The following TOR1AIP2 variants were observed in gnomAD, a reference collection of about 807,000 sequenced individuals.
The protein encoded by TOR1AIP2 is torsin-1A-interacting protein 2.
Under a neutral mutation model 32.6 loss-of-function variants are expected in TOR1AIP2, and 20 were observed. The ratio of observed to expected loss-of-function variants is 0.61; its 90% CI spans 0.43 to 0.89. The LOEUF is 0.89. Ranked by LOEUF, TOR1AIP2 falls within the 40% of genes least tolerant of loss-of-function variation. The pLI is 0.00. For missense variants in TOR1AIP2, 456 were observed against 553.8 expected, an observed-to-expected ratio of 0.82 and a Z score of 1.77; for synonymous variants, 214 against 210.8, an observed-to-expected ratio of 1.02 and a Z score of -0.13.
At chr1:179,861,904 T>A (rs908975250) in intron 3 of TOR1AIP2, 2 of 942,072 alleles carry the variant, frequency 2.1e-6, no homozygotes, top group African/African-American at 1.8e-5. Context: ...CTGACTATCT[T>A]GCCCAGGCTG....
At chr1:179,854,652 C>A (rs949404797) in intron 3 of TOR1AIP2, among the ~76,000 whole-genome samples, 1 of 152,010 alleles carries the variant, frequency 6.6e-6, no homozygotes, top group South Asian at 2.1e-4. Flanking sequence ...GGCAGATCAC[C>A]CAAGGGTCAG....
intron 3 of TOR1AIP2, among the ~76,000 whole-genome samples, chr1:179,853,965 T>C (rs1258673991): frequency 6.6e-6 from 1 of 152,184 alleles, no homozygotes; most frequent in Non-Finnish European, 1.5e-5. Flanking sequence ...AGCCATCATA[T>C]GTTGGAATGA....
chr1:179,864,711 T>C, intron 3 of TOR1AIP2: 1 of 1,507,246 alleles, frequency 6.6e-7, no homozygotes, highest in Non-Finnish European at 8.8e-7. Flanking sequence ...AGAAATGAAT[T>C]ATTTTTCCAT....
intron 2 of TOR1AIP2, among the ~76,000 whole-genome samples, chr1:179,870,923 T>C (rs1696989274): frequency 6.6e-6 from 1 of 152,246 alleles, no homozygotes; most frequent in African/African-American, 2.4e-5. Flanking sequence ...TTAAACATAA[T>C]TGTTTCACTT....
In TOR1AIP2 at chr1:179,840,901, A is replaced by AATAATAATAAT. The variant is rs1384921055; in HGVS notation, c.*5159_*5169dup. On this transcript the variant is annotated 3_prime_UTR_variant, in exon 7 of 7. Coordinates refer to ENST00000609928, the MANE Select transcript of TOR1AIP2 (RefSeq NM_001199260.2). Reference sequence around the variant, plus strand: ...CCAGAACTTAAACTATAATAATAATAATAATAATAATAATAAAGAAGTTAT... The same window carrying AATAATAATAAT: ...CCAGAACTTAAACTATAATAATAATAATAATAATAATATAATAATAATAATAAAGAAGTTAT... The AATAATAATAAT allele has an allele frequency of 6.7e-6, 1 of 149,288 alleles. No homozygotes were observed. Among genetic ancestry groups the AATAATAATAAT allele is most frequent in the African/African-American group, 2.5e-5 (1 of 40,762 alleles). 9.2% of individuals were successfully genotyped at this position (149,288 alleles called of 1,614,324 possible). A position where few individuals can be genotyped will look rare whatever the true frequency, so the allele number is the denominator to read the frequency against.
chr1:179,840,580 T>C lies in TOR1AIP2; in HGVS notation c.*5491A>G. ...CTAAGGTATTTACCTTTTTGCAGAT[T>C]AGGGGATACTGATTATGTTCTCAGG... On this transcript the variant is annotated 3_prime_UTR_variant, in exon 7 of 7. Transcript: ENST00000609928. 2 of 152,132 alleles carry C rather than the reference T, an allele frequency of 1.3e-5. No homozygotes were observed. The highest frequency in any genetic ancestry group is 1.9e-4 in the East Asian group (1 of 5,206). 9.4% of individuals were successfully genotyped at this position (152,132 alleles called of 1,614,324 possible).
chr1:179,868,298 ATTAT>A (rs1696869059), intron 2 of TOR1AIP2: 2 of 152,180 alleles, frequency 1.3e-5, no homozygotes, highest in Non-Finnish European at 2.9e-5. Flanking sequence ...ATTTTGCTAT[ATTAT>A]TTATTTTGGC....
At chr1:179,858,499 C>CTTA (rs1289737204) in intron 3 of TOR1AIP2, among the ~76,000 whole-genome samples, 1 of 152,104 alleles carries the variant, frequency 6.6e-6, no homozygotes, top group African/African-American at 2.4e-5. Context: ...GGGCAAAGGT[C>CTTA]TTACTATATT....
chr1:179,873,095 AC>A (rs1256252048), intron 2 of TOR1AIP2, among the ~76,000 whole-genome samples: 1 of 152,206 alleles, frequency 6.6e-6, no homozygotes, highest in African/African-American at 2.4e-5. Context: ...CTAGTCTATG[AC>A]AGTTCCTCAG....
At chr1:179,874,747 A>G (rs1697130660) in intron 2 of TOR1AIP2, 1 of 152,134 alleles carries the variant, frequency 6.6e-6, no homozygotes, top group South Asian at 2.1e-4. Flanking sequence ...TGGATAAGAG[A>G]GAGAGATCCT....
intron 6 of TOR1AIP2, 142 bp from the exon 7 acceptor site, chr1:179,846,970 T>C: frequency 1.2e-6 from 1 of 808,642 alleles, no homozygotes; most frequent in Non-Finnish European, 1.8e-6. Flanking sequence ...TGTTTAAACT[T>C]TCAATCCACC....
chr1:179,853,009 T>A (rs1696173651), intron 3 of TOR1AIP2, among the ~76,000 whole-genome samples, 198 bp from the exon 4 acceptor site: 1 of 152,242 alleles, frequency 6.6e-6, no homozygotes, highest in Admixed American at 6.5e-5. Context: ...TATTAATCTT[T>A]CATGAATTTC....
intron 5 of TOR1AIP2, among the ~76,000 whole-genome samples, chr1:179,850,295 T>C (rs1026562383): frequency 3.3e-5 from 5 of 152,158 alleles, no homozygotes; most frequent in African/African-American, 1.2e-4. Flanking sequence ...CTTAGCTTCA[T>C]AAGGGAAGAC....
rs116567562 is a variant in TOR1AIP2, at chr1:179,851,587, A to C, written c.35-224T>G. ...AAATGACACTAATATAAAACAAATTATATGACAGAACAAACTTTTGGCTAT... is the reference window on the plus strand; with the variant it reads ...AAATGACACTAATATAAAACAAATTCTATGACAGAACAAACTTTTGGCTAT... On this transcript the variant is annotated intron_variant, in intron 4 of 6. Transcript: ENST00000609928. Among the ~76,000 whole-genome samples, 238 of 152,312 alleles carry C rather than the reference A, an allele frequency of 1.6e-3. 2 individuals carry two copies. The highest frequency in any genetic ancestry group is 5.6e-3 in the African/African-American group (234 of 41,560).
chr1:179,850,761 T>C, intron 5 of TOR1AIP2, 84 bp downstream of exon 5: 1 of 1,496,216 alleles, frequency 6.7e-7, no homozygotes. Flanking sequence ...AAAAGTTCTC[T>C]GGAAAGAAGG....
intron 4 of TOR1AIP2, among the ~76,000 whole-genome samples, chr1:179,852,263 T>C (rs144038523): frequency 2.2e-5 from 2 of 89,550 alleles, no homozygotes; most frequent in African/African-American, 8.6e-5. Flanking sequence ...CTGGGTAACA[T>C]AAAAAAAAAA....
Position 179,865,501 on chromosome 1 carries a change from T to A in TOR1AIP2, c.-212A>T, listed in dbSNP as rs930850403. On this transcript the variant is annotated 5_prime_UTR_variant, in exon 3 of 7. Coordinates refer to ENST00000609928, the MANE Select transcript of TOR1AIP2 (RefSeq NM_001199260.2). Reference sequence around the variant, plus strand: ...TTCTCAAGAAGAGATAGGGCTCTAGTCTAAATTAGTTATATTTTTCTTATG... The same window carrying A: ...TTCTCAAGAAGAGATAGGGCTCTAGACTAAATTAGTTATATTTTTCTTATG... 4 of 256,350 alleles carry A rather than the reference T, an allele frequency of 1.6e-5. No homozygotes were observed. Among genetic ancestry groups the A allele is most frequent in the Non-Finnish European group, 2.9e-5 (4 of 136,452 alleles). The allele number at this position is 256,350 out of a possible 1,614,324, so 15.9% of individuals were successfully genotyped here. A position where few individuals can be genotyped will look rare whatever the true frequency, so the allele number is the denominator to read the frequency against.
At chr1:179,858,311 CATAT>C (rs751761581) in intron 3 of TOR1AIP2, among the ~76,000 whole-genome samples, 3 of 151,604 alleles carry the variant, frequency 2.0e-5, no homozygotes, top group African/African-American at 4.9e-5. Flanking sequence ...GCATTATTAA[CATAT>C]ATAAATTTAT....
At chr1:179,870,597 G>T (rs1490933971) in intron 2 of TOR1AIP2, among the ~76,000 whole-genome samples, 1 of 151,674 alleles carries the variant, frequency 6.6e-6, no homozygotes, top group Non-Finnish European at 1.5e-5. Context: ...CAAACAATCT[G>T]CAGTCTTGTA....
Sources: allele counts gnomAD v4.1 joint callset (sites outside exome capture counted in the v4.1 genomes callset), GRCh38; gene constraint gnomAD v4.1.1; transcripts MANE v1.5; gene names NCBI Gene and HGNC (gene_info 2026-07-23, HGNC 2026-07-21).